PDE4D: variants seen among roughly 807,000 people sequenced by gnomAD.
The protein encoded by PDE4D is 3',5'-cyclic-AMP phosphodiesterase 4D.
A neutral mutation model predicts 87.4 loss-of-function variants in PDE4D; 24 were observed. The observed-to-expected ratio is 0.27, with a 90% CI of 0.20 to 0.39. The LOEUF (loss-of-function observed/expected upper bound fraction) is 0.39. Ranked by LOEUF, PDE4D falls within the 10% of genes least tolerant of loss-of-function variation. The pLI is 1.00. For synonymous variants in PDE4D, 384 were observed against 383.2 expected, an observed-to-expected ratio of 1.00 and a Z score of -0.02; for missense variants, 714 against 1,041.0, an observed-to-expected ratio of 0.69 and a Z score of 4.32.
intron 1 of PDE4D, among the ~76,000 whole-genome samples, chr5:59,876,497 A>G (rs1361887228): frequency 6.6e-6 from 1 of 152,078 alleles, no homozygotes; most frequent in Non-Finnish European, 1.5e-5. Context: ...TTTCTAATTG[A>G]TTGCTAAGAA....
intron 1 of PDE4D, among the ~76,000 whole-genome samples, chr5:59,539,147 TGTGA>T (rs529948804): frequency 2.6e-5 from 4 of 152,214 alleles, no homozygotes; most frequent in Non-Finnish European, 5.9e-5. Context: ...GAATCACATA[TGTGA>T]GTATCTTGCT....
intron 1 of PDE4D, among the ~76,000 whole-genome samples, chr5:60,405,653 T>C (rs1192508824): frequency 1.3e-5 from 2 of 152,258 alleles, no homozygotes; most frequent in African/African-American, 4.8e-5. Flanking sequence ...TTATTAATTA[T>C]AACATAGTGG....
At chr5:59,609,249 C>G (rs1366479703) in intron 1 of PDE4D, among the ~76,000 whole-genome samples, 2 of 152,046 alleles carry the variant, frequency 1.3e-5, no homozygotes, top group Admixed American at 1.3e-4. Context: ...ATTCTCAGTT[C>G]TCCCTCTTTA....
chr5:59,970,599 T>C (rs1452149862), intron 3 of PDE4D, among the ~76,000 whole-genome samples: 1 of 151,720 alleles, frequency 6.6e-6, no homozygotes, highest in African/African-American at 2.4e-5. Context: ...AAAAAACACA[T>C]GAAAAAATGC....
intron 1 of PDE4D, among the ~76,000 whole-genome samples, chr5:59,420,195 A>T (rs541304456): frequency 6.6e-6 from 1 of 152,262 alleles, no homozygotes; most frequent in South Asian, 2.1e-4. Flanking sequence ...AAAATTTCTC[A>T]ATAGCTTAGA....
chr5:60,303,437 T>C (rs1350006075), intron 1 of PDE4D, among the ~76,000 whole-genome samples: 1 of 151,806 alleles, frequency 6.6e-6, no homozygotes, highest in Non-Finnish European at 1.5e-5. Flanking sequence ...GCCTCCCGTG[T>C]AGCTGGGACT....
chr5:59,472,707 A>G (rs1275936069), intron 1 of PDE4D, among the ~76,000 whole-genome samples: 1 of 152,158 alleles, frequency 6.6e-6, no homozygotes, highest in Non-Finnish European at 1.5e-5. Context: ...CCAGTTCCAT[A>G]TTAACATACT....
intron 1 of PDE4D, among the ~76,000 whole-genome samples, chr5:60,198,236 T>C (rs1249240982): frequency 1.3e-5 from 2 of 151,406 alleles, no homozygotes; most frequent in African/African-American, 4.8e-5. Flanking sequence ...ACTCCTTCAA[T>C]GTAGTGCCTT....
At chr5:59,258,574 T>C (rs975765139) in intron 1 of PDE4D, among the ~76,000 whole-genome samples, 4 of 151,102 alleles carry the variant, frequency 2.6e-5, no homozygotes, top group African/African-American at 9.7e-5. Context: ...TTTCTTATCT[T>C]CTTGTATCAT....
intron 1 of PDE4D, among the ~76,000 whole-genome samples, chr5:59,635,205 G>C (rs927271161): frequency 2.7e-4 from 41 of 152,114 alleles, no homozygotes; most frequent in African/African-American, 9.9e-4. Flanking sequence ...TGGAATCCCT[G>C]AATAGACCAA....
chr5:60,210,284 A>G (rs1743039215), intron 1 of PDE4D, among the ~76,000 whole-genome samples: 1 of 152,132 alleles, frequency 6.6e-6, no homozygotes, highest in Non-Finnish European at 1.5e-5. Context: ...AATTGAAAAA[A>G]TTATATATAA....
chr5:60,042,357 C>T (rs1462950870), intron 2 of PDE4D, among the ~76,000 whole-genome samples: 1 of 152,172 alleles, frequency 6.6e-6, no homozygotes, highest in Admixed American at 6.5e-5. Context: ...GGAAGGGGTG[C>T]CTGTAGGCGC....
At chr5:59,018,338 A>G (rs1237221220) in intron 6 of PDE4D, among the ~76,000 whole-genome samples, 1 of 152,224 alleles carries the variant, frequency 6.6e-6, no homozygotes, top group Non-Finnish European at 1.5e-5. Flanking sequence ...ACCACTCTTC[A>G]TGAATAACTG....
At chr5:59,956,474 G>GAA (rs1017110345) in intron 3 of PDE4D, among the ~76,000 whole-genome samples, 1 of 150,484 alleles carries the variant, frequency 6.6e-6, no homozygotes, top group East Asian at 1.9e-4. Flanking sequence ...ACTCATTGTG[G>GAA]AAAAAAAAAG....
chr5:59,884,222 A>T (rs1323488830), intron 1 of PDE4D, among the ~76,000 whole-genome samples: 1 of 151,910 alleles, frequency 6.6e-6, no homozygotes, highest in African/African-American at 2.4e-5. Flanking sequence ...ATATATATGT[A>T]GTACTGTCTC....
chr5:59,971,666 C>G (rs1760784210), intron 3 of PDE4D, among the ~76,000 whole-genome samples: 1 of 152,146 alleles, frequency 6.6e-6, no homozygotes, highest in Non-Finnish European at 1.5e-5. Context: ...AGACTCTTCT[C>G]TTCACTACCC....
intron 1 of PDE4D, among the ~76,000 whole-genome samples, chr5:59,538,511 T>C (rs1216158278): frequency 6.6e-6 from 1 of 152,062 alleles, no homozygotes; most frequent in Non-Finnish European, 1.5e-5. Context: ...TGAATGCCAG[T>C]TCCCGTTCAA....
intron 1 of PDE4D, among the ~76,000 whole-genome samples, chr5:59,273,740 A>G (rs1052601875): frequency 2.6e-5 from 4 of 152,182 alleles, no homozygotes; most frequent in Non-Finnish European, 4.4e-5. Context: ...AAATCAAAAT[A>G]TTTAAAAATG....
chr5:59,544,162 G>A (rs1452144565), intron 1 of PDE4D, among the ~76,000 whole-genome samples: 1 of 152,162 alleles, frequency 6.6e-6, no homozygotes, highest in Non-Finnish European at 1.5e-5. Context: ...TCTGCAGCAA[G>A]GAAAACTAGG....
Sources: gnomAD v4.1 joint callset for allele counts (sites outside exome capture counted in the v4.1 genomes callset) on GRCh38, gnomAD v4.1.1 for gene constraint, MANE v1.5 for transcripts, NCBI Gene and HGNC (gene_info 2026-07-23, HGNC 2026-07-21) for gene names.